ARHGAP26: variants seen among roughly 807,000 people sequenced by gnomAD.
ARHGAP26 encodes the protein rho GTPase-activating protein 26.
Under a neutral mutation model 104.8 loss-of-function variants are expected in ARHGAP26, and 38 were observed. The observed-to-expected ratio is 0.36, with a 90% CI of 0.28 to 0.48. The LOEUF (loss-of-function observed/expected upper bound fraction) is 0.48, where lower values mean the gene tolerates loss of function less well. Among genes scored for constraint, ARHGAP26 ranks in the 20% least tolerant of loss-of-function variants. The pLI, the probability that ARHGAP26 is intolerant of heterozygous loss-of-function variation, is 0.99. For missense variants in ARHGAP26, 704 were observed against 947.9 expected (o/e 0.74, Z 3.38); for synonymous variants, 341 against 340.0 (o/e 1.00, Z -0.03).
At chr5:143,112,351 T>TACAGGGA (rs1794881285) in intron 17 of ARHGAP26, among the ~76,000 whole-genome samples, 1 of 152,074 alleles carries the variant, frequency 6.6e-6, no homozygotes. Context: ...AAAGAAAATT[T>TACAGGGA]TAGCTCAGAG....
In ARHGAP26 at chr5:142,770,911, C is replaced by G; in HGVS notation, c.150C>G (p.Leu50=). 1 of 1,606,382 alleles carries G rather than the reference C, an allele frequency of 6.2e-7. No individual in the cohort carries two copies. Among genetic ancestry groups the G allele is most frequent in the Middle Eastern group, 1.7e-4 (1 of 6,038 alleles). ...ACGGGAAGTCACTCATAAGCGCGCT[C>G]AAGAGTGAGTGTCCCGAGCCCCTCG... ...IKDGKSLISA[L]KNLSSAKRKF... Residue 50 remains leucine, a synonymous_variant, in exon 1 of 23, where the codon CTC becomes CTG. Transcript: ENST00000645722.
At chr5:143,032,949 T>C (rs1157039198) in intron 12 of ARHGAP26, among the ~76,000 whole-genome samples, 1 of 152,228 alleles carries the variant, frequency 6.6e-6, no homozygotes, top group Non-Finnish European at 1.5e-5. Flanking sequence ...AGAGCAGTGG[T>C]TGATAACCTG....
At chr5:142,999,637 GT>G (rs971156363) in intron 11 of ARHGAP26, among the ~76,000 whole-genome samples, 7 of 151,932 alleles carry the variant, frequency 4.6e-5, no homozygotes, top group African/African-American at 1.7e-4. Context: ...AAATATCAAG[GT>G]AGGTTATAAA....
chr5:142,879,568 A>T, intron 4 of ARHGAP26, 123 bp downstream of exon 4: 1 of 888,648 alleles, frequency 1.1e-6, no homozygotes, highest in Non-Finnish European at 1.7e-6. Context: ...TTCTTCAGAA[A>T]ATCTTAGGCA....
intron 17 of ARHGAP26, among the ~76,000 whole-genome samples, chr5:143,077,370 A>G (rs1789188361): frequency 6.6e-6 from 1 of 152,228 alleles, no homozygotes; most frequent in African/African-American, 2.4e-5. Flanking sequence ...AAATATCTTC[A>G]TAGGATTACA....
chr5:142,776,432 T>C (rs1304167059), intron 1 of ARHGAP26, among the ~76,000 whole-genome samples: 1 of 152,232 alleles, frequency 6.6e-6, no homozygotes, highest in Non-Finnish European at 1.5e-5. Context: ...CAACCACTGA[T>C]CTACTACTTT....
chr5:143,031,353 T>C (rs1210803618), intron 12 of ARHGAP26, among the ~76,000 whole-genome samples: 1 of 152,110 alleles, frequency 6.6e-6, no homozygotes, highest in Non-Finnish European at 1.5e-5. Flanking sequence ...ACAAGAAGAA[T>C]AAGAAGACCA....
rs1203157493 is a variant in ARHGAP26 at position 143,120,924 on chromosome 5, G to A, written c.1539-64G>A. ...AAATAGGAAGATAGGAAGGATACAG[G>A]GTGGTTGGTATCTCTGTGTACACGA... On this transcript the variant is annotated intron_variant, in intron 17 of 22. Coordinates refer to ENST00000645722, the MANE Select transcript of ARHGAP26 (RefSeq NM_001135608.3). 6 of 1,503,506 alleles carry A rather than the reference G, an allele frequency of 4.0e-6. No individual in the cohort carries two copies. In the East Asian group the frequency reaches 1.2e-4, roughly 29 times the overall value. The allele number at this position is 1,503,506 out of a possible 1,614,324, so 93.1% of individuals were successfully genotyped here.
rs117660855 is a variant in ARHGAP26, at chr5:142,883,629, G to A, written c.385-1669G>A. ...GCTCCGGGTGATGGCTTCTGGCTCC[G>A]AGTGTCCTGCCCCAGGGCATTTGCA... On this transcript the variant is annotated intron_variant, in intron 4 of 22. Transcript: ENST00000645722. 7.6e-4 allele frequency among the ~76,000 whole-genome samples: 115 copies of A among 152,314 alleles called. 2 individuals are homozygous for A. In the East Asian group the frequency reaches 0.019, roughly 26 times the overall value.
intron 11 of ARHGAP26, among the ~76,000 whole-genome samples, chr5:142,945,046 C>G (rs550213088): frequency 6.6e-6 from 1 of 152,262 alleles, no homozygotes; most frequent in Middle Eastern, 3.4e-3. Flanking sequence ...CTGTGTGATT[C>G]GACAGGGAAC....
At chr5:142,902,917 A>G (rs1454310428) in intron 7 of ARHGAP26, among the ~76,000 whole-genome samples, 1 of 152,118 alleles carries the variant, frequency 6.6e-6, no homozygotes, top group African/African-American at 2.4e-5. Context: ...GGGCACCTGG[A>G]CTCGCAGAGG....
intron 8 of ARHGAP26, among the ~76,000 whole-genome samples, chr5:142,906,521 T>C (rs1554146896): frequency 6.6e-6 from 1 of 152,232 alleles, no homozygotes; most frequent in Non-Finnish European, 1.5e-5. Flanking sequence ...CTACTGTCTA[T>C]CCATCCATCC....
chr5:142,834,152 A>G (rs1342172292), intron 1 of ARHGAP26, among the ~76,000 whole-genome samples: 2 of 152,234 alleles, frequency 1.3e-5, no homozygotes, highest in African/African-American at 4.8e-5. Flanking sequence ...GGCTTATTTT[A>G]AACTATTTAA....
intron 17 of ARHGAP26, among the ~76,000 whole-genome samples, chr5:143,089,700 C>A (rs1216539621): frequency 6.6e-6 from 1 of 152,150 alleles, no homozygotes; most frequent in African/African-American, 2.4e-5. Context: ...TCTAGTTTAT[C>A]CAATCTACAT....
intron 11 of ARHGAP26, among the ~76,000 whole-genome samples, chr5:143,006,316 CTTTTTTTTT>C (rs34154406): frequency 6.2e-5 from 7 of 112,874 alleles, no homozygotes; most frequent in Admixed American, 9.4e-5. Context: ...AGTGTTTTTT[CTTTTTTTTT>C]TTTTTTTTTT....
chr5:143,166,259 A>C (rs1801933422), intron 20 of ARHGAP26, among the ~76,000 whole-genome samples: 1 of 152,188 alleles, frequency 6.6e-6, no homozygotes, highest in African/African-American at 2.4e-5. Context: ...TCAGCTCTCT[A>C]GACCTGTTGG....
intron 22 of ARHGAP26, among the ~76,000 whole-genome samples, chr5:143,220,789 C>T (rs1811034353): frequency 6.6e-6 from 1 of 152,200 alleles, no homozygotes; most frequent in Non-Finnish European, 1.5e-5. Context: ...AGGAGGCACT[C>T]AAGGTGTACC....
At chr5:142,982,000 A>G (rs920363439) in intron 11 of ARHGAP26, among the ~76,000 whole-genome samples, 6 of 152,214 alleles carry the variant, frequency 3.9e-5, no homozygotes, top group African/African-American at 1.4e-4. Flanking sequence ...CTTTTCTCCA[A>G]TCCATTTGAC....
chr5:143,109,965 C>T (rs1240156068), intron 17 of ARHGAP26, among the ~76,000 whole-genome samples: 7 of 152,196 alleles, frequency 4.6e-5, no homozygotes, highest in Non-Finnish European at 8.8e-5. Context: ...CTGACTTTTC[C>T]TGATACTTGC....
Sources: allele counts gnomAD v4.1 joint callset (sites outside exome capture counted in the v4.1 genomes callset), GRCh38; gene constraint gnomAD v4.1.1; transcripts MANE v1.5; gene names NCBI Gene and HGNC (gene_info 2026-07-23, HGNC 2026-07-21).